Variants in CNTNAP2 observed in about 807,000 individuals in gnomAD.
CNTNAP2 encodes the protein contactin-associated protein-like 2.
Under a neutral mutation model 155.2 loss-of-function variants are expected in CNTNAP2, and 98 were observed. The ratio of observed to expected loss-of-function variants is 0.63; its 90% CI spans 0.54 to 0.75. The LOEUF (loss-of-function observed/expected upper bound fraction) is 0.75. Among genes scored for constraint, CNTNAP2 ranks in the 30% least tolerant of loss-of-function variants. The pLI is 0.00. For missense variants in CNTNAP2, 1,727 were observed against 1,688.1 expected (o/e 1.02, Z -0.40); for synonymous variants, 651 against 631.2 (o/e 1.03, Z -0.47).
intron 4 of CNTNAP2, among the ~76,000 whole-genome samples, chr7:147,063,561 C>T (rs1166541545): frequency 6.6e-6 from 1 of 151,992 alleles, no homozygotes; most frequent in African/African-American, 2.4e-5. Context: ...TATGAAGGAG[C>T]ATATTGGGCC....
chr7:146,153,146 A>C (rs1171806837), intron 1 of CNTNAP2, among the ~76,000 whole-genome samples: 1 of 152,058 alleles, frequency 6.6e-6, no homozygotes, highest in African/African-American at 2.4e-5. Flanking sequence ...TTGTTTTGCT[A>C]TTTATTTCAG....
At chr7:146,401,717 C>G (rs1056149019) in intron 1 of CNTNAP2, among the ~76,000 whole-genome samples, 3 of 152,074 alleles carry the variant, frequency 2.0e-5, no homozygotes, top group Non-Finnish European at 2.9e-5. Context: ...CATTTTCATT[C>G]CATGAAATTT....
chr7:147,958,861 A>C (rs1318754871), intron 14 of CNTNAP2, among the ~76,000 whole-genome samples: 2 of 152,124 alleles, frequency 1.3e-5, no homozygotes, highest in Admixed American at 6.6e-5. Context: ...GTGCATATGA[A>C]TTACCTGGCA....
rs143186587 is a variant in CNTNAP2, at chr7:146,621,467, A to G, written c.98-152804A>G. ...CATTTGGTCATTATGCCTCCTTAGG[A>G]TTCTCTTGGCTATGACTGTTTCTCA... On this transcript the variant is annotated intron_variant, in intron 1 of 23. Transcript: ENST00000361727. 5.0e-3 allele frequency among the ~76,000 whole-genome samples: 757 copies of G among 152,112 alleles called. 33 individuals carry two copies. The highest frequency in any genetic ancestry group is 1.0e-3 in the South Asian group (5 of 4,824).
intron 3 of CNTNAP2, among the ~76,000 whole-genome samples, chr7:146,999,764 T>C (rs28838103): frequency 0.078 from 11,816 of 152,142 alleles, 691 homozygotes; most frequent in East Asian, 0.27. Context: ...ATTAGAGCTC[T>C]CGTCATTTGT....
chr7:148,328,903 G>A (rs1797938103), intron 21 of CNTNAP2, among the ~76,000 whole-genome samples: 1 of 150,006 alleles, frequency 6.7e-6, no homozygotes, highest in Non-Finnish European at 1.5e-5. Context: ...TTGAATCTGG[G>A]AGGCGGAGCT....
At chr7:147,403,286 A>C (rs1174902102) in intron 10 of CNTNAP2, among the ~76,000 whole-genome samples, 1 of 152,170 alleles carries the variant, frequency 6.6e-6, no homozygotes, top group Admixed American at 6.5e-5. Flanking sequence ...ACCAACATAC[A>C]TCTTACATAT....
intron 14 of CNTNAP2, among the ~76,000 whole-genome samples, chr7:147,964,076 C>T (rs1277358334): frequency 2.0e-5 from 3 of 151,892 alleles, no homozygotes; most frequent in African/African-American, 4.8e-5. Flanking sequence ...AAGAATGGGG[C>T]CTTAATGCGA....
chr7:146,938,401 T>C (rs907805219), intron 3 of CNTNAP2, among the ~76,000 whole-genome samples: 19 of 150,484 alleles, frequency 1.3e-4, no homozygotes, highest in Non-Finnish European at 2.4e-4. Context: ...TAGTTTTATA[T>C]ATTATATATA....
intron 2 of CNTNAP2, among the ~76,000 whole-genome samples, chr7:146,814,807 C>T (rs531535194): frequency 8.0e-4 from 122 of 152,238 alleles, no homozygotes; most frequent in African/African-American, 2.7e-3. Flanking sequence ...ATATCCGCTT[C>T]AAGACAAAAC....
At chr7:147,347,471 T>TGC (rs1795895036) in intron 9 of CNTNAP2, among the ~76,000 whole-genome samples, 6 of 59,142 alleles carry the variant, frequency 1.0e-4, no homozygotes, top group African/African-American at 1.7e-4. Context: ...TATATATATA[T>TGC]ATATGCATAT....
intron 1 of CNTNAP2, among the ~76,000 whole-genome samples, chr7:146,351,148 G>T (rs1192537625): frequency 1.3e-5 from 2 of 151,676 alleles, no homozygotes; most frequent in Admixed American, 1.3e-4. Context: ...CCTGCACATT[G>T]TGCACATGTA....
chr7:148,006,337 T>G (rs1801979577), intron 15 of CNTNAP2, among the ~76,000 whole-genome samples: 1 of 138,998 alleles, frequency 7.2e-6, no homozygotes. Context: ...TTTTTTTTTT[T>G]GAAACAGAGT....
At chr7:147,950,054 A>G (rs1181195600) in intron 14 of CNTNAP2, among the ~76,000 whole-genome samples, 1 of 152,118 alleles carries the variant, frequency 6.6e-6, no homozygotes, top group Non-Finnish European at 1.5e-5. Flanking sequence ...TTGGGGAGAA[A>G]GGGAATCCAT....
At chr7:147,521,847 GC>G (rs1301156462) in intron 11 of CNTNAP2, among the ~76,000 whole-genome samples, 1 of 152,126 alleles carries the variant, frequency 6.6e-6, no homozygotes, top group Non-Finnish European at 1.5e-5. Context: ...TCCCCTTTGT[GC>G]TCCCAGGTTT....
At position 146,660,127 on chromosome 7, in the gene CNTNAP2, GA is replaced by G. The variant is rs781479787; in HGVS notation, c.98-114142del. Among the ~76,000 whole-genome samples, 724 of 152,274 alleles carry G rather than the reference GA, an allele frequency of 4.8e-3. 4 individuals are homozygous for G. The highest frequency in any genetic ancestry group is 7.8e-3 in the Non-Finnish European group (532 of 68,024). ...TTATATGCAAGAGAAATAAAGACTT[GA>G]ATGGTAATAAGGGAGGGCAATACAT... On this transcript the variant is annotated intron_variant, in intron 1 of 23. Transcript: ENST00000361727.
At chr7:147,649,681 G>C (rs1055761816) in intron 13 of CNTNAP2, among the ~76,000 whole-genome samples, 4 of 151,794 alleles carry the variant, frequency 2.6e-5, no homozygotes, top group African/African-American at 7.3e-5. Flanking sequence ...ATAAAGCCAA[G>C]TTTTTAAAAT....
At chr7:148,162,748 C>A (rs1488149721) in intron 17 of CNTNAP2, among the ~76,000 whole-genome samples, 1 of 152,176 alleles carries the variant, frequency 6.6e-6, no homozygotes, top group Non-Finnish European at 1.5e-5. Context: ...GTGATCCTAA[C>A]ACTTTTGGAG....
rs572095159 is a variant in CNTNAP2 at position 148,374,519 on chromosome 7, A to G, written c.3476-9130A>G. Among the ~76,000 whole-genome samples the G allele has an allele frequency of 7.9e-5, 12 of 152,190 alleles. No individual in the cohort carries two copies. In the South Asian group the frequency reaches 2.3e-3, roughly 29 times the overall value. On this transcript the variant is annotated intron_variant, in intron 21 of 23. Coordinates refer to ENST00000361727, the MANE Select transcript of CNTNAP2 (RefSeq NM_014141.6). ...CGGCATACCTACCAGTGGCTTGGAG[A>G]GGAATTAAGGAAAAGCTTGAAAACT...
Sources: gnomAD v4.1 joint callset for allele counts (sites outside exome capture counted in the v4.1 genomes callset) on GRCh38, gnomAD v4.1.1 for gene constraint, MANE v1.5 for transcripts, NCBI Gene and HGNC (gene_info 2026-07-23, HGNC 2026-07-21) for gene names.